Variants in PLCL2 observed in about 807,000 individuals in gnomAD.
The protein encoded by PLCL2 is phospholipase C like 2.
A neutral mutation model predicts 79.6 loss-of-function variants in PLCL2; 4 were observed. That is an observed-to-expected ratio of 0.05 (90% CI 0.02 to 0.11). The LOEUF (loss-of-function observed/expected upper bound fraction) is 0.11. Among genes scored for constraint, PLCL2 ranks in the 10% least tolerant of loss-of-function variants. PLCL2 has a pLI of 1.00. For synonymous variants in PLCL2, 484 were observed against 457.7 expected (o/e 1.06, Z -0.73); for missense variants, 895 against 1,291.0 (o/e 0.69, Z 4.70).
At chr3:16,927,045 T>C (rs1183798572) in intron 1 of PLCL2, among the ~76,000 whole-genome samples, 2 of 152,254 alleles carry the variant, frequency 1.3e-5, no homozygotes, top group Admixed American at 6.5e-5. Flanking sequence ...TTTAAAGCAA[T>C]TTATTTTTCT....
rs542731138 is a variant in PLCL2 at position 17,033,268 on chromosome 3, C to T, written c.3019-9606C>T. Among the ~76,000 whole-genome samples the T allele has an allele frequency of 2.6e-5, 4 of 152,200 alleles. No homozygotes were observed. The South Asian group carries it at 8.3e-4, about 32-fold the overall frequency. Reference sequence around the variant, plus strand: ...CATAATTCATTCCAGATTTATATAGCATTTGGCATCTGTTCTCTGGCAAGA... The same window carrying T: ...CATAATTCATTCCAGATTTATATAGTATTTGGCATCTGTTCTCTGGCAAGA... On this transcript the variant is annotated intron_variant, in intron 3 of 5. Coordinates refer to ENST00000615277, the MANE Select transcript of PLCL2 (RefSeq NM_001144382.2).
At chr3:17,045,612 A>G (rs1178313671) in intron 4 of PLCL2, among the ~76,000 whole-genome samples, 1 of 152,204 alleles carries the variant, frequency 6.6e-6, no homozygotes, top group Non-Finnish European at 1.5e-5. Context: ...CTGCCTGCAT[A>G]GTCCTCTCTG....
intron 1 of PLCL2, among the ~76,000 whole-genome samples, chr3:16,960,446 C>G (rs752021365): frequency 3.2e-4 from 48 of 152,190 alleles, no homozygotes; most frequent in Non-Finnish European, 6.9e-4. Context: ...TCCTTATTTG[C>G]TTTGACATTT....
intron 2 of PLCL2, among the ~76,000 whole-genome samples, chr3:17,013,030 A>G (rs947564938): frequency 1.3e-5 from 2 of 152,212 alleles, no homozygotes; most frequent in African/African-American, 2.4e-5. Context: ...AACTAATTCT[A>G]TGTGTACTTC....
At chr3:17,021,459 G>A (rs1002090514) in intron 3 of PLCL2, among the ~76,000 whole-genome samples, 1 of 152,168 alleles carries the variant, frequency 6.6e-6, no homozygotes, top group Non-Finnish European at 1.5e-5. Context: ...GGAGCTGGGA[G>A]ATTGAGAAAC....
chr3:16,944,686 A>G (rs1402358601), intron 1 of PLCL2, among the ~76,000 whole-genome samples: 1 of 152,200 alleles, frequency 6.6e-6, no homozygotes, highest in Non-Finnish European at 1.5e-5. Context: ...TTGCAGCACC[A>G]GAACTGTAAG....
intron 1 of PLCL2, among the ~76,000 whole-genome samples, chr3:16,934,211 A>C (rs540152123): frequency 6.6e-6 from 1 of 152,312 alleles, no homozygotes; most frequent in South Asian, 2.1e-4. Context: ...CCCACAGTTA[A>C]ATCCACATAA....
rs1324264366 is a variant in PLCL2 at position 16,886,059 on chromosome 3, TG to T, written c.327+694del. ...TTCTTTTGGGCAGTTTGCTTGGTTTTGCTTGCACAGTGTTAGCGGAAGAAAG... is the reference window on the plus strand; with the variant it reads ...TTCTTTTGGGCAGTTTGCTTGGTTTTCTTGCACAGTGTTAGCGGAAGAAAG... On this transcript the variant is annotated intron_variant, in intron 1 of 5. Transcript: ENST00000615277. This position sits in a 1 kb window ranked among gnomAD's most constrained non-coding sequence, Gnocchi z 4.2. Among the ~76,000 whole-genome samples the T allele has an allele frequency of 6.6e-6, 1 of 152,252 alleles. No homozygotes were observed. The highest frequency in any genetic ancestry group is 2.4e-5 in the African/African-American group (1 of 41,464).
At chr3:16,923,736 C>G (rs1047742172) in intron 1 of PLCL2, among the ~76,000 whole-genome samples, 10 of 152,138 alleles carry the variant, frequency 6.6e-5, no homozygotes, top group Non-Finnish European at 1.5e-4. Flanking sequence ...CATTGTGGAA[C>G]TCCTATTATG....
chr3:17,002,851 A>C (rs2064224424), intron 1 of PLCL2, among the ~76,000 whole-genome samples: 1 of 152,030 alleles, frequency 6.6e-6, no homozygotes, highest in Non-Finnish European at 1.5e-5. Flanking sequence ...GCAAGTTTAC[A>C]GATTCTTTTC....
rs534422250 is a variant in PLCL2 at position 17,011,923 on chromosome 3, C to T, written c.2577C>T (p.Val859=). ...GTTTACAGACGGGCTACCGCCATGT[C>T]CCCCTGCAGTCCTTAACTGGAGAGG... ...FECLQTGYRH[V]PLQSLTGEVL... The change falls in exon 2 of 6, where the codon GTC becomes GTT. Residue 859 remains valine (V), a synonymous_variant. Transcript: ENST00000615277. The surrounding 1 kb of genome is among the most constrained non-coding windows in gnomAD (Gnocchi z 7.9). 2 of 1,614,194 alleles carry T rather than the reference C, an allele frequency of 1.2e-6. No individual in the cohort carries two copies. Among genetic ancestry groups the T allele is most frequent in the East Asian group, 2.2e-5 (1 of 44,882 alleles).
intron 1 of PLCL2, among the ~76,000 whole-genome samples, chr3:16,922,515 C>T (rs1184240113): frequency 1.3e-5 from 2 of 152,090 alleles, no homozygotes; most frequent in Non-Finnish European, 2.9e-5. Flanking sequence ...CATTTGTACT[C>T]TTCCTATGCA....
intron 4 of PLCL2, among the ~76,000 whole-genome samples, chr3:17,053,110 G>A (rs578019896): frequency 2.0e-5 from 3 of 152,222 alleles, no homozygotes; most frequent in Non-Finnish European, 2.9e-5. Flanking sequence ...GTCTGTTCTC[G>A]TACTGCTATA....
chr3:17,045,300 A>G (rs2064769134), intron 4 of PLCL2, among the ~76,000 whole-genome samples: 1 of 152,204 alleles, frequency 6.6e-6, no homozygotes, highest in African/African-American at 2.4e-5. Flanking sequence ...TTATTAGTTA[A>G]AACCTTGTTT....
intron 5 of PLCL2, among the ~76,000 whole-genome samples, chr3:17,074,327 G>A (rs1219990465): frequency 1.3e-5 from 2 of 152,146 alleles, no homozygotes; most frequent in Non-Finnish European, 2.9e-5. Context: ...TGAGCAGTAG[G>A]TCCCAGCTGT....
At chr3:16,898,255 T>C (rs12714937) in intron 1 of PLCL2, among the ~76,000 whole-genome samples, 124,020 of 152,112 alleles carry the variant, frequency 0.82, 50,904 homozygotes, top group East Asian at 0.95. Context: ...AAATGGGAGG[T>C]GTAGTAGAAA....
rs143983415 is a variant in PLCL2, at chr3:16,962,167, C to T, written c.328-47507C>T. On this transcript the variant is annotated intron_variant, in intron 1 of 5. Coordinates refer to ENST00000615277, the MANE Select transcript of PLCL2 (RefSeq NM_001144382.2). ...TGGCAGTACATATGTAAGGAATAGA[C>T]AGTTGAAAGAATAAAGAGAAAGGGA... 8.0e-4 allele frequency among the ~76,000 whole-genome samples: 121 copies of T among 152,120 alleles called. No homozygotes were observed. In the Middle Eastern group the frequency reaches 0.01, roughly 13 times the overall value.
At position 17,010,130 on chromosome 3, in the gene PLCL2, A is replaced by G. The variant is rs1372598402; in HGVS notation, c.784A>G (p.Ser262Gly). Residue 262 changes from serine to glycine, a missense_variant, in exon 2 of 6, where the codon AGT becomes GGT. Physicochemically the swap from Ser to Gly is moderately conservative, Grantham distance 56 (BLOSUM62 0). Transcript: ENST00000615277. The surrounding 1 kb of genome is among the most constrained non-coding windows in gnomAD (Gnocchi z 5.8). Reference sequence around the variant, plus strand: ...AAAACATACACTTGATATGTTAGAAAGTAGCCAAGATAACATGAGGACTTC... The same window carrying G: ...AAAACATACACTTGATATGTTAGAAGGTAGCCAAGATAACATGAGGACTTC... The part of the protein sequence containing the change: ...YGKHTLDMLE[S>G]SQDNMRTSWV... 1.2e-6 allele frequency: 2 copies of G among 1,614,152 alleles called. No individual in the cohort carries two copies. Among genetic ancestry groups the G allele is most frequent in the Admixed American group, 3.3e-5 (2 of 60,034 alleles).
chr3:16,888,269 T>C (rs1696270219), intron 1 of PLCL2, among the ~76,000 whole-genome samples: 1 of 152,242 alleles, frequency 6.6e-6, no homozygotes, highest in African/African-American at 2.4e-5. Flanking sequence ...CCATCTGTTT[T>C]GTAAATGTGG....
Sources: gnomAD v4.1 joint callset for allele counts (sites outside exome capture counted in the v4.1 genomes callset) on GRCh38, gnomAD v4.1.1 for gene constraint, Gnocchi (gnomAD v3.1) non-coding constraint, MANE v1.5 for transcripts, NCBI Gene and HGNC (gene_info 2026-07-23, HGNC 2026-07-21) for gene names.